The following LYRM7 variants were observed in gnomAD, a reference collection of about 807,000 sequenced individuals.
LYRM7 encodes the protein complex III assembly factor LYRM7.
In LYRM7, 9 loss-of-function variants were observed where a neutral mutation model predicts 15.8. That is an observed-to-expected ratio of 0.57 (90% CI 0.34 to 0.99). The LOEUF is 0.99. Ranked by LOEUF, LYRM7 falls within the 50% of genes least tolerant of loss-of-function variation. The pLI is 0.02. For missense variants in LYRM7, 115 were observed against 119.1 expected (o/e 0.97, Z 0.16); for synonymous variants, 39 against 39.4 (o/e 0.99, Z 0.04).
At position 131,200,331 on chromosome 5, in the gene LYRM7, A is replaced by C. The variant is rs1756040278; in HGVS notation, c.*730A>C. 1 of 152,280 alleles carries C rather than the reference A, an allele frequency of 6.6e-6. No homozygotes were observed. The highest frequency in any genetic ancestry group is 2.4e-5 in the African/African-American group (1 of 41,424). 9.4% of individuals were successfully genotyped at this position (152,280 alleles called of 1,614,324 possible). A position where few individuals can be genotyped will look rare whatever the true frequency, so the allele number is the denominator to read the frequency against. ...ATTAGCTGTATTTAGACAAAGTTAG[A>C]CTTTAGTGTGAAATGTAATCGGTGG... On this transcript the variant is annotated 3_prime_UTR_variant, in exon 5 of 5. Transcript: ENST00000379380.
intron 1 of LYRM7, among the ~76,000 whole-genome samples, chr5:131,172,119 C>G (rs939311893): frequency 2.0e-5 from 3 of 152,148 alleles, no homozygotes; most frequent in Non-Finnish European, 4.4e-5. Context: ...ATTTCACATA[C>G]GATCTCTCAA....
intron 3 of LYRM7, among the ~76,000 whole-genome samples, chr5:131,184,644 G>GGT (rs1554090149): frequency 2.8e-5 from 4 of 145,004 alleles, no homozygotes; most frequent in South Asian, 4.2e-4. Context: ...TTTTGGCGGG[G>GGT]GGGGGGTTCC....
intron 4 of LYRM7, among the ~76,000 whole-genome samples, chr5:131,187,469 GTT>G (rs992300287): frequency 6.8e-6 from 1 of 146,886 alleles, no homozygotes. Flanking sequence ...TTTGTTTTTT[GTT>G]TTTTTGTTTT....
chr5:131,180,013 C>A, intron 1 of LYRM7, 82 bp from the exon 2 acceptor site: 2 of 910,418 alleles, frequency 2.2e-6, no homozygotes, highest in Non-Finnish European at 3.5e-6. Flanking sequence ...CTAAAGCGAT[C>A]CTGCTACCTC....
Position 131,204,515 on chromosome 5 carries a change from G to A in LYRM7, c.*4914G>A, listed in dbSNP as rs941259864. On this transcript the variant is annotated 3_prime_UTR_variant, in exon 5 of 5. Transcript: ENST00000379380. ...ACACACACACACACACACACACACA[G>A]TTTGGGTATCCCTAATCCAGAAATT... is the stretch of plus-strand genomic sequence containing the variant. 2.5e-5 allele frequency: 3 copies of A among 120,758 alleles called. No homozygotes were observed. The highest frequency in any genetic ancestry group is 5.8e-5 in the Non-Finnish European group (3 of 52,046). 7.5% of individuals were successfully genotyped at this position (120,758 alleles called of 1,614,324 possible).
chr5:131,198,738 T>C, intron 4 of LYRM7, among the ~76,000 whole-genome samples: 1 of 151,798 alleles, frequency 6.6e-6, no homozygotes, highest in South Asian at 2.1e-4. Context: ...AGCTGATTTT[T>C]TTTTTTTTTT....
intron 1 of LYRM7, among the ~76,000 whole-genome samples, chr5:131,172,412 C>CAA (rs111463881): frequency 3.3e-5 from 5 of 151,916 alleles, no homozygotes; most frequent in African/African-American, 1.2e-4. Context: ...GACTTCATCT[C>CAA]AAAAAATAAG....
Position 131,188,414 on chromosome 5 carries a change from A to G in LYRM7, c.244+1305A>G, listed in dbSNP as rs974228227. 6.3e-4 allele frequency among the ~76,000 whole-genome samples: 95 copies of G among 151,580 alleles called. 1 individual carries two copies. The highest frequency in any genetic ancestry group is 2.9e-3 in the East Asian group (15 of 5,176). ...CATGTAAAACAAGCCACATGTAAAA[A>G]AAAAAAAAAAAAAAAATTGGCCTTT... On this transcript the variant is annotated intron_variant, in intron 4 of 4. Transcript: ENST00000379380.
At chr5:131,190,990 C>A (rs536750199) in intron 4 of LYRM7, among the ~76,000 whole-genome samples, 1 of 151,980 alleles carries the variant, frequency 6.6e-6, no homozygotes, top group East Asian at 1.9e-4. Context: ...AATTTAGTAT[C>A]TATTTCAAAT....
At chr5:131,181,348 GT>G (rs1158339549) in intron 2 of LYRM7, among the ~76,000 whole-genome samples, 1 of 35,220 alleles carries the variant, frequency 2.8e-5, no homozygotes, top group African/African-American at 1.9e-4. Flanking sequence ...TAACATATAT[GT>G]TATATATATA....
At chr5:131,173,773 C>T (rs917548574) in intron 1 of LYRM7, among the ~76,000 whole-genome samples, 1 of 152,282 alleles carries the variant, frequency 6.6e-6, no homozygotes, top group South Asian at 2.1e-4. Flanking sequence ...TAAGGAAGTA[C>T]ATACCTTAAA....
intron 2 of LYRM7, among the ~76,000 whole-genome samples, chr5:131,180,602 C>A (rs1255172005): frequency 1.3e-5 from 2 of 152,152 alleles, no homozygotes; most frequent in East Asian, 3.9e-4. Flanking sequence ...TAGTTTCTAT[C>A]TTATCTGGAA....
At chr5:131,189,445 A>AG (rs1755851202) in intron 4 of LYRM7, among the ~76,000 whole-genome samples, 1 of 38,282 alleles carries the variant, frequency 2.6e-5, no homozygotes, top group Admixed American at 2.9e-4. Flanking sequence ...TCCGTCTCCC[A>AG]AAAAAAAAAA....
chr5:131,180,861 A>G (rs1235454324), intron 2 of LYRM7, among the ~76,000 whole-genome samples: 2 of 152,160 alleles, frequency 1.3e-5, no homozygotes, highest in Admixed American at 1.3e-4. Flanking sequence ...TATAATTCCT[A>G]TTTTTACAAA....
intron 1 of LYRM7, among the ~76,000 whole-genome samples, chr5:131,174,872 A>T (rs932760389): frequency 6.6e-6 from 1 of 152,146 alleles, no homozygotes; most frequent in Non-Finnish European, 1.5e-5. Context: ...AGCCAAAATT[A>T]CTACTTGGCC....
In LYRM7 at chr5:131,199,581, G is replaced by A; in HGVS notation, c.295G>A (p.Ala99Thr). ...TGTAGAAAATGTGCCATATTGTGAT[G>A]CACCAACTCAGAAGCAATGAGTTTT... ...LLVENVPYCD[A>T]PTQKQ The change falls in exon 5 of 5, where the codon GCA becomes ACA. Residue 99 changes from alanine (A) to threonine (T), a missense_variant. Ala to Thr is a moderately conservative substitution (Grantham distance 58, BLOSUM62 0). Transcript: ENST00000379380. 6.2e-7 allele frequency: 1 copy of A among 1,602,852 alleles called. No individual in the cohort carries two copies. The highest frequency in any genetic ancestry group is 1.1e-5 in the South Asian group (1 of 88,528).
rs956390725 is a variant in LYRM7 at position 131,204,985 on chromosome 5, A to G, written c.*5384A>G. 3 of 152,294 alleles carry G rather than the reference A, an allele frequency of 2.0e-5. No homozygotes were observed. Among genetic ancestry groups the G allele is most frequent in the Non-Finnish European group, 4.4e-5 (3 of 68,010 alleles). 9.4% of individuals were successfully genotyped at this position (152,294 alleles called of 1,614,324 possible). ...ATCAACATGTAAGTGTTAAAAGACA[A>G]TAAGCTACTAGTGATTTTTAATATA... On this transcript the variant is annotated 3_prime_UTR_variant, in exon 5 of 5. Transcript: ENST00000379380.
chr5:131,178,326 A>G (rs1580692936), intron 1 of LYRM7, among the ~76,000 whole-genome samples: 1 of 152,274 alleles, frequency 6.6e-6, no homozygotes, highest in East Asian at 1.9e-4. Flanking sequence ...AACATAAGTG[A>G]TTTTGTTGAG....
chr5:131,180,708 G>A (rs1214114780), intron 2 of LYRM7, among the ~76,000 whole-genome samples: 1 of 152,126 alleles, frequency 6.6e-6, no homozygotes, highest in Non-Finnish European at 1.5e-5. Context: ...TAGGTAAAGT[G>A]TCCCCACTGT....
Sources: gnomAD v4.1 joint callset for allele counts (sites outside exome capture counted in the v4.1 genomes callset) on GRCh38, gnomAD v4.1.1 for gene constraint, MANE v1.5 for transcripts, NCBI Gene and HGNC (gene_info 2026-07-23, HGNC 2026-07-21) for gene names.